TRMU: variants seen among roughly 807,000 people sequenced by gnomAD.
TRMU encodes tRNA mitochondrial 2-thiouridylase.
Under a neutral mutation model 46.9 loss-of-function variants are expected in TRMU, and 49 were observed. That is an observed-to-expected ratio of 1.05 (90% CI 0.83 to 1.33). The LOEUF (loss-of-function observed/expected upper bound fraction) is 1.33, where lower values mean the gene tolerates loss of function less well. TRMU is among the 40% of genes most tolerant of loss of function. TRMU has a pLI of 0.00. For synonymous variants in TRMU, 241 were observed against 200.9 expected, an observed-to-expected ratio of 1.20 and a Z score of -1.69; for missense variants, 572 against 532.4, an observed-to-expected ratio of 1.07 and a Z score of -0.73.
chr22:46,343,195 T>C, intron 2 of TRMU, 67 bp from the exon 3 acceptor site: 1 of 1,170,660 alleles, frequency 8.5e-7, no homozygotes, highest in Non-Finnish European at 1.2e-6. Context: ...AGCAATTTAG[T>C]GAACTTTTTT....
chr22:46,357,119 G>T lies in TRMU; in HGVS notation c.*113G>T. The T allele has an allele frequency of 6.7e-7, 1 of 1,491,974 alleles. No homozygotes were observed. The highest frequency in any genetic ancestry group is 1.4e-5 in the African/African-American group (1 of 72,034). The allele number at this position is 1,491,974 out of a possible 1,614,324, so 92.4% of individuals were successfully genotyped here. A position where few individuals can be genotyped will look rare whatever the true frequency, so the allele number is the denominator to read the frequency against. ...GCTGCTGCCCAAAGCAGAGGAAGCC[G>T]GGCTGGCTGAGGGTCCGAAAAGCCT... On this transcript the variant is annotated 3_prime_UTR_variant, in exon 11 of 11. Transcript: ENST00000645190.
Position 46,352,470 on chromosome 22 carries a change from C to T in TRMU, c.772+140C>T, listed in dbSNP as rs112248615. ...GAAGGCTCTGTGGGGCGGCCGGGGG[C>T]GGGCACGGCCTAGGGTGGAACAGTT... On this transcript the variant is annotated intron_variant, in intron 7 of 10. Transcript: ENST00000645190. 281 of 964,048 alleles carry T rather than the reference C, an allele frequency of 2.9e-4. 2 individuals are homozygous for T. In the African/African-American group the frequency reaches 3.3e-3, roughly 11 times the overall value. 59.7% of individuals were successfully genotyped at this position (964,048 alleles called of 1,614,324 possible).
rs2078634341 is a variant in TRMU at position 46,357,012 on chromosome 22, A to C, written c.*6A>C. The C allele has an allele frequency of 6.2e-7, 1 of 1,613,386 alleles. No individual in the cohort carries two copies. The highest frequency in any genetic ancestry group is 8.5e-7 in the Non-Finnish European group (1 of 1,179,992). ...GCCTGAGTCCCTTGCTCTGACAGAG[A>C]TGGATCTGCTAGAAGGAACCTGGAG... On this transcript the variant is annotated 3_prime_UTR_variant, in exon 11 of 11. Coordinates refer to ENST00000645190, the MANE Select transcript of TRMU (RefSeq NM_018006.5).
Position 46,338,656 on chromosome 22 carries a change from C to T in TRMU, c.248+712C>T, listed in dbSNP as rs1016296984. Among the ~76,000 whole-genome samples, 5 of 152,168 alleles carry T rather than the reference C, an allele frequency of 3.3e-5. No homozygotes were observed. Among genetic ancestry groups the T allele is most frequent in the Non-Finnish European group, 5.9e-5 (4 of 68,028 alleles). On this transcript the variant is annotated intron_variant, in intron 2 of 10. Coordinates refer to ENST00000645190, the MANE Select transcript of TRMU (RefSeq NM_018006.5). This position sits in a 1 kb window ranked among gnomAD's most constrained non-coding sequence, Gnocchi z 4.5. ...CAAACAAAGTTGTAGAGAAGGGACT[C>T]CAAATGGGGTAACGAGAGCAGCGTG...
In TRMU at chr22:46,343,278, T is replaced by A. The variant is rs2147868595; in HGVS notation, c.265T>A (p.Tyr89Asn). The change falls in exon 3 of 11, where the codon TAT becomes AAT. Residue 89 changes from tyrosine (Y) to asparagine (N), a missense_variant. Coordinates refer to ENST00000645190, the MANE Select transcript of TRMU (RefSeq NM_018006.5). ...TTATTCTAGTGACTTTTTGAATGAG[T>A]ATGAAAAAGGAAGGACTCCCAATCC... ...NDVFSDFLNEYEKGRTPNPDI... is the reference protein window; with the variant it reads ...NDVFSDFLNENEKGRTPNPDI... The A allele has an allele frequency of 6.2e-7, 1 of 1,612,964 alleles. No individual in the cohort carries two copies. Among genetic ancestry groups the A allele is most frequent in the South Asian group, 1.1e-5 (1 of 91,030 alleles).
chr22:46,355,783 C>A, intron 9 of TRMU, 195 bp downstream of exon 9: 1 of 1,081,962 alleles, frequency 9.2e-7, no homozygotes, highest in Non-Finnish European at 1.4e-6. Flanking sequence ...GGAGCAGATG[C>A]AGGCAGGCCC....
In TRMU at chr22:46,356,303, TGA is replaced by T. The variant is rs963748171; in HGVS notation, c.1101+235_1101+236del. The T allele has an allele frequency of 1.8e-5, 10 of 564,910 alleles. No individual in the cohort carries two copies. The African/African-American group carries it at 1.9e-4, about 11-fold the overall frequency. 35.0% of individuals were successfully genotyped at this position (564,910 alleles called of 1,614,324 possible). ...AACCAGCCAGTTCCTGCTCGGGCCC[TGA>T]GAGGCTCAGCTGCTGCCCGGGCCCC... On this transcript the variant is annotated intron_variant, in intron 10 of 10. Coordinates refer to ENST00000645190, the MANE Select transcript of TRMU (RefSeq NM_018006.5).
chr22:46,348,686 A>C lies in TRMU; in HGVS notation c.479-1605A>C, dbSNP rs933304959. Among the ~76,000 whole-genome samples, 3 of 152,212 alleles carry C rather than the reference A, an allele frequency of 2.0e-5. 1 individual carries two copies. In the South Asian group the frequency reaches 6.2e-4, roughly 31 times the overall value. ...CTTTCTGTGCTTTTTCCTCTATAGC[A>C]GTTCAGTTAGGGTCGCCAGCTTGCT... On this transcript the variant is annotated intron_variant, in intron 4 of 10. Coordinates refer to ENST00000645190, the MANE Select transcript of TRMU (RefSeq NM_018006.5). The surrounding 1 kb of genome is among the most constrained non-coding windows in gnomAD (Gnocchi z 4.8).
chr22:46,348,044 C>T lies in TRMU; in HGVS notation c.478+1500C>T, dbSNP rs1451994246. On this transcript the variant is annotated intron_variant, in intron 4 of 10. Coordinates refer to ENST00000645190, the MANE Select transcript of TRMU (RefSeq NM_018006.5). The surrounding 1 kb of genome is among the most constrained non-coding windows in gnomAD (Gnocchi z 4.8). ...GCAGCCCACTCCCGTAAGACAGCCC[C>T]CCATTTCAGGAAGACATGGGTTTGA... Among the ~76,000 whole-genome samples the T allele has an allele frequency of 6.6e-6, 1 of 151,628 alleles. No homozygotes were observed. The highest frequency in any genetic ancestry group is 2.4e-5 in the African/African-American group (1 of 41,326).
In TRMU at chr22:46,338,134, A is replaced by T. The variant is rs1426726198; in HGVS notation, c.248+190A>T. ...GTTAGAGGCGAGGCCTGGACCCCAC[A>T]GCACACCCAGCTCTCTCACTCCTGT... On this transcript the variant is annotated intron_variant, in intron 2 of 10. Transcript: ENST00000645190. This position sits in a 1 kb window ranked among gnomAD's most constrained non-coding sequence, Gnocchi z 4.5. The T allele has an allele frequency of 1.5e-6, 1 of 673,490 alleles. No homozygotes were observed. The allele number at this position is 673,490 out of a possible 1,614,324, so 41.7% of individuals were successfully genotyped here.
intron 8 of TRMU, chr22:46,354,868 G>T: frequency 6.2e-6 from 1 of 160,296 alleles, no homozygotes; most frequent in Non-Finnish European, 1.4e-5. Context: ...GGTCTCAATG[G>T]CCCGAGGCCA....
In TRMU at chr22:46,349,860, G is replaced by A. The variant is rs920384790; in HGVS notation, c.479-431G>A. On this transcript the variant is annotated intron_variant, in intron 4 of 10. Coordinates refer to ENST00000645190, the MANE Select transcript of TRMU (RefSeq NM_018006.5). The surrounding 1 kb of genome is among the most constrained non-coding windows in gnomAD (Gnocchi z 4.6). ...AAAGTGTAGAGTCCTTGAAACCACT[G>A]TGGCACGAACACATCCTGTGGTTGT... Among the ~76,000 whole-genome samples the A allele has an allele frequency of 2.0e-5, 3 of 152,194 alleles. No individual in the cohort carries two copies. The highest frequency in any genetic ancestry group is 7.2e-5 in the African/African-American group (3 of 41,442).
chr22:46,356,990 T>C lies in TRMU; in HGVS notation c.1250T>C (p.Leu417Pro). ...GACAGCCCAGAAGATGGTCCAGGCC[T>C]GAGTCCCTTGCTCTGACAGAGATGG... ...PSDSPEDGPG[L>P]SPLL Residue 417 changes from leucine to proline, a missense_variant, in exon 11 of 11, where the codon CTG becomes CCG. Leu to Pro is a moderately conservative substitution (Grantham distance 98). Coordinates refer to ENST00000645190, the MANE Select transcript of TRMU (RefSeq NM_018006.5). 1.2e-6 allele frequency: 2 copies of C among 1,613,554 alleles called. No individual in the cohort carries two copies. The highest frequency in any genetic ancestry group is 1.7e-6 in the Non-Finnish European group (2 of 1,180,014).
chr22:46,352,650 G>T, intron 7 of TRMU: 1 of 446,466 alleles, frequency 2.2e-6, no homozygotes, highest in Non-Finnish European at 4.2e-6. Context: ...TAAGGAAAAT[G>T]TTAAACTACA....
chr22:46,344,945 A>G (rs1008984016), intron 3 of TRMU, among the ~76,000 whole-genome samples: 3 of 152,168 alleles, frequency 2.0e-5, no homozygotes, highest in South Asian at 4.1e-4. Context: ...TTCTGTTTAC[A>G]TGGAGCTAGT....
In TRMU at chr22:46,350,493, G is replaced by A. The variant is rs1212707439; in HGVS notation, c.651+30G>A. The A allele has an allele frequency of 1.2e-6, 2 of 1,612,524 alleles. No homozygotes were observed. The highest frequency in any genetic ancestry group is 1.7e-5 in the Admixed American group (1 of 60,014). On this transcript the variant is annotated intron_variant, in intron 5 of 10. Transcript: ENST00000645190. The surrounding 1 kb of genome is among the most constrained non-coding windows in gnomAD (Gnocchi z 4.6). ...GAGTGAGCAGTTGCCTTTGATTAGT[G>A]CCTGTTTCCCTTTCCCGACTGCATG... is the stretch of plus-strand genomic sequence containing the variant.
chr22:46,353,511 G>A (rs778247157), intron 7 of TRMU: 3 of 424,230 alleles, frequency 7.1e-6, no homozygotes, highest in East Asian at 5.0e-5. Flanking sequence ...GCTGGAACCT[G>A]CACCTTCTGG....
intron 8 of TRMU, chr22:46,355,170 T>G: frequency 1.8e-6 from 1 of 561,352 alleles, no homozygotes; most frequent in East Asian, 3.1e-5. Flanking sequence ...CCTGCAGCAT[T>G]CACTGTCATG....
Position 46,335,768 on chromosome 22 carries a change from C to G in TRMU, c.4C>G (p.Gln2Glu), listed in dbSNP as rs1464059546. Residue 2 changes from glutamine (Q) to glutamate (E), a missense_variant, in exon 1 of 11, where the codon CAG (glutamine) becomes GAG (glutamate). Gln to Glu is a conservative substitution (Grantham distance 29). Coordinates refer to ENST00000645190, the MANE Select transcript of TRMU (RefSeq NM_018006.5). M[Q>E]ALRHVVCALS... is the part of the protein sequence containing the mutation. The stretch of plus-strand genomic sequence containing the variant: ...GGCGAAGTTGGGCGACTGGCGGATG[C>G]AGGCCTTGCGGCACGTCGTGTGCGC... The G allele has an allele frequency of 6.4e-6, 10 of 1,551,312 alleles. No homozygotes were observed. The highest frequency in any genetic ancestry group is 8.7e-6 in the Non-Finnish European group (10 of 1,152,214).
Sources: allele counts gnomAD v4.1 joint callset (sites outside exome capture counted in the v4.1 genomes callset), GRCh38; gene constraint gnomAD v4.1.1; non-coding constraint Gnocchi (gnomAD v3.1); transcripts MANE v1.5; gene names NCBI Gene and HGNC (gene_info 2026-07-23, HGNC 2026-07-21).